The following CCDC6 variants were observed in gnomAD, a reference collection of about 807,000 sequenced individuals.
CCDC6 encodes coiled-coil domain-containing protein 6.
A neutral mutation model predicts 56.6 loss-of-function variants in CCDC6; 20 were observed. That is an observed-to-expected ratio of 0.35 (90% confidence interval 0.25 to 0.51). CCDC6 has a LOEUF of 0.51. CCDC6 is among the 20% of genes least tolerant of loss of function. The pLI is 0.95. For synonymous variants in CCDC6, 241 were observed against 234.4 expected, an observed-to-expected ratio of 1.03 and a Z score of -0.26; for missense variants, 367 against 601.1, an observed-to-expected ratio of 0.61 and a Z score of 4.07.
chr10:59,858,409 T>C (rs2071096945), intron 1 of CCDC6, among the ~76,000 whole-genome samples: 1 of 152,222 alleles, frequency 6.6e-6, no homozygotes, highest in Non-Finnish European at 1.5e-5. Context: ...GCAGAATCAT[T>C]ATTAGCCCTG....
At chr10:59,793,416 T>C (rs951465967) in intron 8 of CCDC6, among the ~76,000 whole-genome samples, 9 of 152,206 alleles carry the variant, frequency 5.9e-5, no homozygotes, top group African/African-American at 2.2e-4. Context: ...TTTCCGTGTG[T>C]GTCACCAATT....
intron 1 of CCDC6, among the ~76,000 whole-genome samples, chr10:59,874,629 T>C (rs1357147531): frequency 6.6e-6 from 1 of 152,194 alleles, no homozygotes. Flanking sequence ...ACAGATAGAA[T>C]TAAGGTTGCC....
chr10:59,895,830 G>C (rs1355628836), intron 1 of CCDC6, among the ~76,000 whole-genome samples: 4 of 152,154 alleles, frequency 2.6e-5, no homozygotes, highest in Admixed American at 6.5e-5. Context: ...GCCTAACAGT[G>C]TGATTCAGCC....
chr10:59,853,164 C>T (rs749010351), intron 1 of CCDC6, among the ~76,000 whole-genome samples: 1 of 152,184 alleles, frequency 6.6e-6, no homozygotes, highest in Non-Finnish European at 1.5e-5. Flanking sequence ...GAGCTCAACT[C>T]ACTTAAAAGT....
At chr10:59,865,219 T>C (rs2071167039) in intron 1 of CCDC6, among the ~76,000 whole-genome samples, 1 of 152,202 alleles carries the variant, frequency 6.6e-6, no homozygotes, top group African/African-American at 2.4e-5. Flanking sequence ...GGATATAACA[T>C]TCCAACAGCT....
At chr10:59,811,850 A>G (rs1446919926) in intron 5 of CCDC6, among the ~76,000 whole-genome samples, 2 of 152,192 alleles carry the variant, frequency 1.3e-5, no homozygotes, top group Non-Finnish European at 2.9e-5. Context: ...AATCCACAAT[A>G]TAAGTAAACT....
intron 3 of CCDC6, among the ~76,000 whole-genome samples, chr10:59,817,445 T>C (rs2070717797): frequency 1.3e-5 from 2 of 152,086 alleles, no homozygotes; most frequent in Non-Finnish European, 2.9e-5. Context: ...TCCCAAAGTG[T>C]TGAGATTACA....
At chr10:59,820,403 G>A (rs1016301585) in intron 3 of CCDC6, among the ~76,000 whole-genome samples, 2 of 152,126 alleles carry the variant, frequency 1.3e-5, no homozygotes, top group Non-Finnish European at 2.9e-5. Flanking sequence ...AATCTGTTTT[G>A]AAACCCAAAT....
intron 1 of CCDC6, among the ~76,000 whole-genome samples, chr10:59,878,683 C>T (rs2071306002): frequency 6.6e-6 from 1 of 152,132 alleles, no homozygotes; most frequent in Non-Finnish European, 1.5e-5. Flanking sequence ...GACACACAAA[C>T]CCCTACCCCT....
At chr10:59,799,545 T>C (rs1288332523) in intron 7 of CCDC6, among the ~76,000 whole-genome samples, 3 of 152,196 alleles carry the variant, frequency 2.0e-5, no homozygotes, top group Non-Finnish European at 4.4e-5. Context: ...GCTTGCCTTA[T>C]CCCAAACCAA....
chr10:59,826,925 AC>A (rs1355171573), intron 3 of CCDC6, among the ~76,000 whole-genome samples: 1 of 152,232 alleles, frequency 6.6e-6, no homozygotes, highest in Non-Finnish European at 1.5e-5. Flanking sequence ...GATTAGAGTC[AC>A]CAGGGATACA....
chr10:59,861,413 G>A (rs1220063501), intron 1 of CCDC6, among the ~76,000 whole-genome samples: 1 of 124,560 alleles, frequency 8.0e-6, no homozygotes, highest in Non-Finnish European at 1.6e-5. Flanking sequence ...ACAATGTCTG[G>A]CATTCAATCA....
intron 1 of CCDC6, among the ~76,000 whole-genome samples, chr10:59,880,578 T>A (rs543716914): frequency 7.7e-4 from 117 of 152,312 alleles, no homozygotes; most frequent in Non-Finnish European, 3.2e-4. Flanking sequence ...TGGGTGCAAG[T>A]TACACATGTG....
chr10:59,893,523 T>C (rs1308525277), intron 1 of CCDC6, among the ~76,000 whole-genome samples: 3 of 152,026 alleles, frequency 2.0e-5, no homozygotes, highest in Admixed American at 6.6e-5. Context: ...GAAGATCGCT[T>C]TGAGCCCAGG....
chr10:59,810,891 T>C (rs1189742525), intron 5 of CCDC6, among the ~76,000 whole-genome samples: 1 of 152,054 alleles, frequency 6.6e-6, no homozygotes, highest in Non-Finnish European at 1.5e-5. Context: ...ATTATCACAG[T>C]GGGCCCAACA....
chr10:59,905,733 G>A (rs2071538803), intron 1 of CCDC6, among the ~76,000 whole-genome samples: 1 of 152,124 alleles, frequency 6.6e-6, no homozygotes. Context: ...CCCTCTTCCA[G>A]GACTGGGGTT....
chr10:59,867,046 G>A (rs1452578669), intron 1 of CCDC6, among the ~76,000 whole-genome samples: 4 of 152,126 alleles, frequency 2.6e-5, no homozygotes, highest in Non-Finnish European at 5.9e-5. Flanking sequence ...TGGCATACAC[G>A]CCATACATAG....
chr10:59,806,714 T>C lies in CCDC6; in HGVS notation c.1004+208A>G, dbSNP rs1033703776. The C allele has an allele frequency of 8.6e-6, 4 of 467,824 alleles. No individual in the cohort carries two copies. In the South Asian group the frequency reaches 1.8e-4, roughly 21 times the overall value. The allele number at this position is 467,824 out of a possible 1,614,324, so 29.0% of individuals were successfully genotyped here. ...TCCCCACCAAATGATTTTAGAGAGG[T>C]GATTTTTTTCATCTTTTTGTGTTTA... On this transcript the variant is annotated intron_variant, in intron 6 of 8. Transcript: ENST00000263102.
At chr10:59,874,278 T>C (rs764774871) in intron 1 of CCDC6, among the ~76,000 whole-genome samples, 8 of 152,196 alleles carry the variant, frequency 5.3e-5, no homozygotes, top group Non-Finnish European at 1.2e-4. Context: ...TCTAAAATGT[T>C]TTCTTTGGCA....
Sources: gnomAD v4.1 joint callset for allele counts (sites outside exome capture counted in the v4.1 genomes callset) on GRCh38, gnomAD v4.1.1 for gene constraint, MANE v1.5 for transcripts, NCBI Gene and HGNC (gene_info 2026-07-23, HGNC 2026-07-21) for gene names.